The following BAAT variants were observed in gnomAD, a reference collection of about 807,000 sequenced individuals.
The protein encoded by BAAT is bile acid CoA: amino acid N-acyltransferase (glycine N-choloyltransferase).
Under a neutral mutation model 18.9 loss-of-function variants are expected in BAAT, and 13 were observed. The ratio of observed to expected loss-of-function variants is 0.69; its 90% confidence interval spans 0.45 to 1.10. The LOEUF (loss-of-function observed/expected upper bound fraction) is 1.10, where lower values mean the gene tolerates loss of function less well. BAAT is among the 50% of genes least tolerant of loss of function. The pLI is 0.00. For missense variants in BAAT, 489 were observed against 504.0 expected (o/e 0.97, Z 0.28); for synonymous variants, 170 against 190.7 (o/e 0.89, Z 0.89).
intron 1 of BAAT, among the ~76,000 whole-genome samples, chr9:101,384,522 C>T (rs1227115120): frequency 6.6e-6 from 1 of 152,084 alleles, no homozygotes; most frequent in Non-Finnish European, 1.5e-5. Flanking sequence ...TAAATTGGTA[C>T]CACCACTTTG....
At chr9:101,378,660 T>C (rs1341478316) in intron 1 of BAAT, among the ~76,000 whole-genome samples, 1 of 152,174 alleles carries the variant, frequency 6.6e-6, no homozygotes, top group Non-Finnish European at 1.5e-5. Flanking sequence ...ATTCAGGACA[T>C]AGGCACAGGC....
rs1829759127 is a variant in BAAT, at chr9:101,362,809, T to C, written c.876A>G (p.Leu292=). The C allele has an allele frequency of 6.2e-7, 1 of 1,614,148 alleles. No homozygotes were observed. The change falls in exon 4 of 4, where the codon TTA becomes TTG. Residue 292 remains leucine, a synonymous_variant. Transcript: ENST00000259407. The part of the protein sequence containing the change: ...AQLISTNALG[L]LELYRTFETT... Reference sequence around the variant, plus strand: ...TCTCAAAAGTGCGATAGAGCTCTAGTAACCCCAAGGCATTGGTGGATATTA... The same window carrying C: ...TCTCAAAAGTGCGATAGAGCTCTAGCAACCCCAAGGCATTGGTGGATATTA...
chr9:101,364,620 T>C (rs1043977839), intron 3 of BAAT, among the ~76,000 whole-genome samples: 1 of 152,162 alleles, frequency 6.6e-6, no homozygotes, highest in Non-Finnish European at 1.5e-5. Context: ...AGCAAGGCAT[T>C]TAGAGGAACC....
In BAAT at chr9:101,368,188, G is replaced by A. The variant is rs371212382; in HGVS notation, c.601C>T (p.Arg201Cys). The A allele has an allele frequency of 1.9e-5, 30 of 1,614,154 alleles. 1 individual carries two copies. Among genetic ancestry groups the A allele is most frequent in the African/African-American group, 1.2e-4 (9 of 75,038 alleles). The change falls in exon 3 of 4, where the codon CGC (arginine) becomes TGC (cysteine). Residue 201 changes from arginine (R) to cysteine (C), a missense_variant. Physicochemically the swap from Arg to Cys is radical, Grantham distance 180 (BLOSUM62 -3). Transcript: ENST00000259407. ...LAYHNYEDLP[R>C]KPEVTDLEYF... Reference sequence around the variant, plus strand: ...TCCAAATCTGTTACTTCTGGTTTGCGGGGCAGGTCTTCATAGTTATGGTAA... The same window carrying A: ...TCCAAATCTGTTACTTCTGGTTTGCAGGGCAGGTCTTCATAGTTATGGTAA...
intron 3 of BAAT, among the ~76,000 whole-genome samples, chr9:101,366,337 C>A (rs1035696791): frequency 1.3e-5 from 2 of 152,120 alleles, no homozygotes; most frequent in African/African-American, 4.8e-5. Flanking sequence ...ACAACTTCTA[C>A]CACAAAATTT....
intron 3 of BAAT, among the ~76,000 whole-genome samples, chr9:101,365,661 C>T (rs972975516): frequency 2.6e-5 from 4 of 151,868 alleles, no homozygotes; most frequent in Admixed American, 6.6e-5. Flanking sequence ...CTCAGCCTCC[C>T]GAGCTGGAAC....
intron 1 of BAAT, among the ~76,000 whole-genome samples, chr9:101,381,165 A>T: frequency 6.6e-6 from 1 of 152,044 alleles, no homozygotes; most frequent in East Asian, 1.9e-4. Flanking sequence ...ATGAATGGAA[A>T]TGGGAGTTTA....
intron 1 of BAAT, among the ~76,000 whole-genome samples, chr9:101,374,158 G>C (rs1588143232): frequency 1.3e-5 from 2 of 152,170 alleles, no homozygotes; most frequent in Admixed American, 1.3e-4. Context: ...CTAGACTCAA[G>C]ACTACACTAA....
intron 1 of BAAT, among the ~76,000 whole-genome samples, chr9:101,383,262 C>G (rs1046873257): frequency 4.6e-5 from 7 of 152,116 alleles, no homozygotes; most frequent in African/African-American, 1.7e-4. Context: ...CCTTTCTAAG[C>G]AAATCAAAAT....
At chr9:101,371,608 A>G (rs1829946786) in intron 1 of BAAT, 145 bp from the exon 2 acceptor site, 2 of 613,042 alleles carry the variant, frequency 3.3e-6, no homozygotes, top group Non-Finnish European at 5.8e-6. Flanking sequence ...CTTCTAGTAC[A>G]AGACACCTGA....
intron 3 of BAAT, among the ~76,000 whole-genome samples, chr9:101,364,563 G>A (rs2119016470): frequency 6.6e-6 from 1 of 152,254 alleles, no homozygotes; most frequent in Middle Eastern, 3.4e-3. Context: ...CATTCCTAAT[G>A]TATTCACCAT....
In BAAT at chr9:101,362,482, C is replaced by G; in HGVS notation, c.1203G>C (p.Glu401Asp). 6.2e-7 allele frequency: 1 copy of G among 1,614,146 alleles called. No homozygotes were observed. Residue 401 changes from glutamate to aspartate, a missense_variant, in exon 4 of 4, where the codon GAG (glutamate) becomes GAC (aspartate). Glu to Asp is a conservative substitution (Grantham distance 45). Transcript: ENST00000259407. ...HAAAQEHAWKEIQRFLRKHLI... is the reference protein window; with the variant it reads ...HAAAQEHAWKDIQRFLRKHLI... ...GGTGCTTCCTGAGAAATCTCTGGAT[C>G]TCCTTCCAAGCATGTTCCTGTGCAG...
chr9:101,365,371 CT>C (rs1829808583), intron 3 of BAAT, among the ~76,000 whole-genome samples: 1 of 151,058 alleles, frequency 6.6e-6, no homozygotes, highest in South Asian at 2.1e-4. Flanking sequence ...GTGAGAAATT[CT>C]TAGGGTAAGA....
At chr9:101,364,730 A>G (rs1014670914) in intron 3 of BAAT, among the ~76,000 whole-genome samples, 7 of 152,228 alleles carry the variant, frequency 4.6e-5, no homozygotes, top group Non-Finnish European at 8.8e-5. Flanking sequence ...TAGCTTTGAA[A>G]GATATATTAA....
At chr9:101,368,747 A>C (rs915873825) in intron 2 of BAAT, among the ~76,000 whole-genome samples, 2 of 152,172 alleles carry the variant, frequency 1.3e-5, no homozygotes, top group African/African-American at 4.8e-5. Flanking sequence ...AGAAGTATAC[A>C]AATAAGCTTT....
At chr9:101,382,627 C>A (rs1382051600) in intron 1 of BAAT, among the ~76,000 whole-genome samples, 4 of 152,172 alleles carry the variant, frequency 2.6e-5, no homozygotes, top group Non-Finnish European at 5.9e-5. Context: ...TCTGCTCCTG[C>A]TCTGAAACTT....
At chr9:101,363,123 T>C in intron 3 of BAAT, 108 bp from the exon 4 acceptor site, 1 of 1,047,630 alleles carries the variant, frequency 9.5e-7, no homozygotes, top group Non-Finnish European at 1.4e-6. Context: ...AAAGCAAGTA[T>C]TAATCCTACC....
Position 101,377,571 on chromosome 9 carries a change from A to G in BAAT, c.-59-6108T>C, listed in dbSNP as rs910951951. ...TTTACAACACCCCTTCATGCTAAAA[A>G]CTCTCAGTAAACTAGATATTGATGG... On this transcript the variant is annotated intron_variant, in intron 1 of 3. Transcript: ENST00000259407. 4.9e-4 allele frequency among the ~76,000 whole-genome samples: 74 copies of G among 152,050 alleles called. 1 individual carries two copies. Among genetic ancestry groups the G allele is most frequent in the African/African-American group, 1.6e-3 (65 of 41,454 alleles).
chr9:101,371,233 C>T lies in BAAT; in HGVS notation c.172G>A (p.Val58Met). Residue 58 changes from valine to methionine, a missense_variant, in exon 2 of 4, where the codon GTG (valine) becomes ATG (methionine). Coordinates refer to ENST00000259407, the MANE Select transcript of BAAT (RefSeq NM_001701.4). ...AGTGAAGAAGCATGATTCAGGTCCA[C>T]CTCACCGAATTCATTGGCCCTATAG... The part of the protein sequence containing the change: ...AHYRANEFGE[V>M]DLNHASSLGG... 6.2e-7 allele frequency: 1 copy of T among 1,613,348 alleles called. No individual in the cohort carries two copies. The highest frequency in any genetic ancestry group is 8.5e-7 in the Non-Finnish European group (1 of 1,179,372).
Sources: allele counts gnomAD v4.1 joint callset (sites outside exome capture counted in the v4.1 genomes callset), GRCh38; gene constraint gnomAD v4.1.1; transcripts MANE v1.5; gene names NCBI Gene and HGNC (gene_info 2026-07-23, HGNC 2026-07-21).